The following CPNE7 variants were observed in gnomAD, a reference collection of about 807,000 sequenced individuals.
CPNE7 encodes copine 7, also known as copine-7.
In CPNE7, 78 loss-of-function variants were observed where a neutral mutation model predicts 66.5. The observed-to-expected ratio is 1.17, with a 90% CI of 0.98 to 1.42. CPNE7 has a LOEUF of 1.42. CPNE7 is among the 40% of genes most tolerant of loss of function. CPNE7 has a pLI of 0.00. For synonymous variants in CPNE7, 468 were observed against 336.7 expected, an observed-to-expected ratio of 1.39 and a Z score of -4.27; for missense variants, 1,012 against 776.6, an observed-to-expected ratio of 1.30 and a Z score of -3.60.
At chr16:89,582,506 G>C (rs2058970992) in intron 2 of CPNE7, among the ~76,000 whole-genome samples, 1 of 152,202 alleles carries the variant, frequency 6.6e-6, no homozygotes, top group African/African-American at 2.4e-5. Flanking sequence ...GTGAGGCAGA[G>C]GCCCTGGCTC....
At position 89,596,673 on chromosome 16, in the gene CPNE7, C is replaced by T. The variant is rs1475997544; in HGVS notation, c.*52C>T. 1 of 1,495,922 alleles carries T rather than the reference C, an allele frequency of 6.7e-7. No homozygotes were observed. Among genetic ancestry groups the T allele is most frequent in the Non-Finnish European group, 8.9e-7 (1 of 1,129,246 alleles). 92.7% of individuals were successfully genotyped at this position (1,495,922 alleles called of 1,614,324 possible). A position where few individuals can be genotyped will look rare whatever the true frequency, so the allele number is the denominator to read the frequency against. The stretch of plus-strand genomic sequence containing the variant: ...AGTGAGGAATGGGTCCGTACAGCCT[C>T]TGTCTGCAACATGCTTGGGGTCCCT... On this transcript the variant is annotated 3_prime_UTR_variant, in exon 15 of 15. Coordinates refer to ENST00000319518, the MANE Select transcript of CPNE7 (RefSeq NM_153636.3).
rs2059257811 is a variant in CPNE7, at chr16:89,596,504, C to T, written c.1560C>T (p.Ala520=). 1 of 1,609,270 alleles carries T rather than the reference C, an allele frequency of 6.2e-7. No homozygotes were observed. The highest frequency in any genetic ancestry group is 8.5e-7 in the Non-Finnish European group (1 of 1,179,500). ...ELKNASPAAL[A]KCVLAEVPKQ... is the part of the protein sequence containing the mutation. ...TCCAGGCATCCCCTGCGGCGCTGGC[C>T]AAGTGCGTGCTGGCCGAGGTCCCGA... is the stretch of plus-strand genomic sequence containing the variant. The change falls in exon 15 of 15, where the codon GCC becomes GCT. Residue 520 remains alanine, a synonymous_variant. Transcript: ENST00000319518.
chr16:89,587,177 CCCCGCCCCT>C, intron 9 of CPNE7, 75 bp downstream of exon 9: 1 of 672,140 alleles, frequency 1.5e-6, no homozygotes, highest in Non-Finnish European at 2.4e-6. Context: ...CAGTCCGTGG[CCCCGCCCCT>C]CCCCGCCCCC....
chr16:89,587,791 C>CACCCACAGAAACACGGCCCCCGTATT (rs2059090906), intron 9 of CPNE7: 1 of 42,180 alleles, frequency 2.4e-5, no homozygotes, highest in East Asian at 6.2e-4. Flanking sequence ...GCCCCCGTGT[C>CACCCACAGAAACACGGCCCCCGTATT]ACCCACAGAT....
intron 13 of CPNE7, among the ~76,000 whole-genome samples, chr16:89,593,261 T>C (rs1292891801): frequency 6.6e-6 from 1 of 152,172 alleles, no homozygotes; most frequent in African/African-American, 2.4e-5. Flanking sequence ...AGTATCGTGA[T>C]AAAGACTTTG....
chr16:89,581,829 G>A (rs965042435), intron 2 of CPNE7, among the ~76,000 whole-genome samples: 3 of 152,136 alleles, frequency 2.0e-5, no homozygotes, highest in African/African-American at 7.2e-5. Flanking sequence ...ATTTTTTGAA[G>A]AGACAGGGGT....
rs750169106 is a variant in CPNE7, at chr16:89,583,776, G to C, written c.432+5G>C. 3 of 1,612,564 alleles carry C rather than the reference G, an allele frequency of 1.9e-6. No individual in the cohort carries two copies. Among genetic ancestry groups the C allele is most frequent in the Non-Finnish European group, 2.5e-6 (3 of 1,179,858 alleles). On this transcript the variant is annotated splice_donor_5th_base_variant and intron_variant, in intron 3 of 14. Transcript: ENST00000319518. The stretch of plus-strand genomic sequence containing the variant: ...GCTGGCAAGTCCACCATCACGGTGA[G>C]ACCCGGGCGCACCCCTGCAGCCTGC...
chr16:89,591,926 C>T (rs1267570032), intron 13 of CPNE7, among the ~76,000 whole-genome samples: 2 of 151,812 alleles, frequency 1.3e-5, no homozygotes, highest in Non-Finnish European at 2.9e-5. Flanking sequence ...GTCTCAAACT[C>T]CTGACCTCAT....
chr16:89,589,829 C>G, intron 10 of CPNE7, 68 bp from the exon 11 acceptor site: 2 of 1,570,610 alleles, frequency 1.3e-6, no homozygotes, highest in Non-Finnish European at 1.7e-6. Flanking sequence ...TCATGTCTCC[C>G]TAGAAGTGGC....
chr16:89,596,723 G>A lies in CPNE7; in HGVS notation c.*102G>A. On this transcript the variant is annotated 3_prime_UTR_variant, in exon 15 of 15. Coordinates refer to ENST00000319518, the MANE Select transcript of CPNE7 (RefSeq NM_153636.3). ...TTAAGCTCCCTCCGACCTCCCAGAAGCCTCCAGTCCCCACCAGGCCCCACT... is the reference window on the plus strand; with the variant it reads ...TTAAGCTCCCTCCGACCTCCCAGAAACCTCCAGTCCCCACCAGGCCCCACT... 2.3e-6 allele frequency: 3 copies of A among 1,326,992 alleles called. No individual in the cohort carries two copies. The highest frequency in any genetic ancestry group is 6.3e-5 in the Admixed American group (2 of 31,706). 82.2% of individuals were successfully genotyped at this position (1,326,992 alleles called of 1,614,324 possible).
In CPNE7 at chr16:89,591,171, G is replaced by T. The variant is rs138900291; in HGVS notation, c.1213G>T (p.Val405Phe). 1 of 1,606,506 alleles carries T rather than the reference G, an allele frequency of 6.2e-7. No homozygotes were observed. Among genetic ancestry groups the T allele is most frequent in the Admixed American group, 1.7e-5 (1 of 58,582 alleles). The change falls in exon 13 of 15, where the codon GTC becomes TTC. Residue 405 changes from valine to phenylalanine, a missense_variant. Coordinates refer to ENST00000319518, the MANE Select transcript of CPNE7 (RefSeq NM_153636.3). ...GGCCTACCAGAACTGCCTGCCCAGG[G>T]TCCAGCTCTACGGCCCCACCAACGT... ...VEAYQNCLPR[V>F]QLYGPTNVAP...
chr16:89,576,139 G>T, intron 1 of CPNE7, 68 bp downstream of exon 1: 1 of 1,211,630 alleles, frequency 8.3e-7, no homozygotes, highest in South Asian at 3.7e-5. Context: ...GGGATGCGGA[G>T]ACCAGAGCGG....
intron 2 of CPNE7, among the ~76,000 whole-genome samples, chr16:89,580,864 TCA>T (rs1271833342): frequency 7.5e-6 from 1 of 133,420 alleles, no homozygotes; most frequent in Non-Finnish European, 1.6e-5. Flanking sequence ...CCATCACCCG[TCA>T]CACGGAACAT....
rs772029620 is a variant in CPNE7, at chr16:89,595,486, C to T, written c.1422C>T (p.Asn474=). Reference sequence around the variant, plus strand: ...CCATCATCATCGTGGGCGTGGGCAACGCCGACTTCACCGACATGCAGGTCC... The same window carrying T: ...CCATCATCATCGTGGGCGTGGGCAATGCCGACTTCACCGACATGCAGGTCC... ...PMSIIIVGVG[N]ADFTDMQVLD... The change falls in exon 14 of 15, where the codon AAC becomes AAT. Residue 474 remains asparagine, a synonymous_variant. Transcript: ENST00000319518. 3.7e-5 allele frequency: 59 copies of T among 1,612,444 alleles called. 1 individual carries two copies. Among genetic ancestry groups the T allele is most frequent in the Admixed American group, 8.3e-5 (5 of 59,982 alleles).
chr16:89,577,700 C>G lies in CPNE7; in HGVS notation c.336C>G (p.Gly112=), dbSNP rs1428691491. The G allele has an allele frequency of 1.1e-5, 17 of 1,598,072 alleles. No homozygotes were observed. Among genetic ancestry groups the G allele is most frequent in the Non-Finnish European group, 1.4e-5 (16 of 1,172,794 alleles). Residue 112 remains glycine (G), a synonymous_variant, in exon 2 of 15, where the codon GGC becomes GGG. Coordinates refer to ENST00000319518, the MANE Select transcript of CPNE7 (RefSeq NM_153636.3). ...FSCQEDDFLG[G]MECTLGQIVA... is the part of the protein sequence containing the mutation. ...GTCAGGAGGACGATTTCCTGGGGGG[C>G]ATGGAGTGCACCCTGGGGCAGGTGG...
chr16:89,578,073 T>C (rs2058888877), intron 2 of CPNE7, among the ~76,000 whole-genome samples: 2 of 149,462 alleles, frequency 1.3e-5, no homozygotes, highest in African/African-American at 4.9e-5. Context: ...TTTTCTTTTT[T>C]TTTTTTTTTG....
chr16:89,595,303 G>A (rs1358440606), intron 13 of CPNE7, 64 bp from the exon 14 acceptor site: 4 of 1,385,252 alleles, frequency 2.9e-6, no homozygotes, highest in Admixed American at 4.2e-5. Flanking sequence ...GGGGCCCGTG[G>A]GTTGCAGGGC....
At chr16:89,593,254 A>C (rs1267301060) in intron 13 of CPNE7, among the ~76,000 whole-genome samples, 2 of 152,156 alleles carry the variant, frequency 1.3e-5, no homozygotes, top group Non-Finnish European at 2.9e-5. Flanking sequence ...TACAGATAGT[A>C]TCGTGATAAA....
Position 89,595,426 on chromosome 16 carries a change from G to A in CPNE7, c.1362G>A (p.Arg454=). The change falls in exon 14 of 15, where the codon CGG becomes CGA. Residue 454 remains arginine (R), a synonymous_variant. Transcript: ENST00000319518. ...TGGTGACCGACATGGCCGACACACG[G>A]GAGGCCATTGTGCGTGCCTCACGCC... ...DGVVTDMADT[R]EAIVRASRLP... 1 of 1,607,566 alleles carries A rather than the reference G, an allele frequency of 6.2e-7. No individual in the cohort carries two copies. The highest frequency in any genetic ancestry group is 8.5e-7 in the Non-Finnish European group (1 of 1,176,088).
Sources: gnomAD v4.1 joint callset for allele counts (sites outside exome capture counted in the v4.1 genomes callset) on GRCh38, gnomAD v4.1.1 for gene constraint, MANE v1.5 for transcripts, NCBI Gene and HGNC (gene_info 2026-07-23, HGNC 2026-07-21) for gene names.